EYS: variants seen among roughly 807,000 people sequenced by gnomAD.
EYS encodes the protein protein eyes shut homolog.
A neutral mutation model predicts 282.1 loss-of-function variants in EYS; 250 were observed. The observed-to-expected ratio is 0.89, with a 90% CI of 0.80 to 0.98. EYS has a LOEUF of 0.98. EYS is among the 50% of genes least tolerant of loss of function. The pLI is 0.00. For missense variants in EYS, 4,016 were observed against 3,709.0 expected (o/e 1.08, Z -2.15); for synonymous variants, 1,355 against 1,282.9 (o/e 1.06, Z -1.20).
chr6:65,374,114 C>T (rs1221354746), intron 8 of EYS, among the ~76,000 whole-genome samples: 1 of 152,150 alleles, frequency 6.6e-6, no homozygotes, highest in Non-Finnish European at 1.5e-5. Flanking sequence ...GGAACAGCTC[C>T]ACTCTGCAGC....
intron 31 of EYS, among the ~76,000 whole-genome samples, chr6:64,114,987 T>C (rs1239219587): frequency 6.6e-6 from 1 of 152,118 alleles, no homozygotes; most frequent in Admixed American, 6.5e-5. Flanking sequence ...TGTGCCTTGA[T>C]CATTGGAGCC....
intron 2 of EYS, among the ~76,000 whole-genome samples, chr6:65,632,400 T>C (rs1441889193): frequency 1.3e-5 from 2 of 152,184 alleles, no homozygotes; most frequent in Non-Finnish European, 2.9e-5. Flanking sequence ...GAGCCTGGAC[T>C]CCACCACTAG....
At chr6:64,019,546 G>C (rs1769074684) in intron 33 of EYS, among the ~76,000 whole-genome samples, 1 of 151,810 alleles carries the variant, frequency 6.6e-6, no homozygotes, top group Admixed American at 6.6e-5. Context: ...GAGTAGCTGG[G>C]ACTACAGGCA....
intron 12 of EYS, among the ~76,000 whole-genome samples, chr6:65,115,948 C>T (rs1429518461): frequency 1.5e-5 from 2 of 132,332 alleles, no homozygotes; most frequent in East Asian, 4.1e-4. Context: ...CTATGTCTGT[C>T]TGTCTGTCTG....
chr6:64,098,047 A>C (rs141190580), intron 31 of EYS, among the ~76,000 whole-genome samples: 8 of 152,330 alleles, frequency 5.3e-5, no homozygotes, highest in African/African-American at 1.9e-4. Flanking sequence ...GATGTGGATT[A>C]GATGAAACTG....
At chr6:64,525,144 C>G (rs1001922388) in intron 26 of EYS, among the ~76,000 whole-genome samples, 6 of 151,646 alleles carry the variant, frequency 4.0e-5, no homozygotes, top group Non-Finnish European at 8.9e-5. Context: ...AAAGCAGAAC[C>G]ACTATTGGAT....
chr6:65,428,813 A>G (rs1170672886), intron 5 of EYS, among the ~76,000 whole-genome samples: 1 of 152,156 alleles, frequency 6.6e-6, no homozygotes, highest in Non-Finnish European at 1.5e-5. Context: ...TGTCAAATGC[A>G]TCAAAGAAAC....
intron 2 of EYS, among the ~76,000 whole-genome samples, chr6:65,628,940 G>C (rs1473113550): frequency 6.6e-6 from 1 of 152,212 alleles, no homozygotes; most frequent in Non-Finnish European, 1.5e-5. Context: ...GCATTGTTTA[G>C]AATTTTAGGG....
At chr6:64,322,507 G>A (rs1303266790) in intron 29 of EYS, among the ~76,000 whole-genome samples, 2 of 151,962 alleles carry the variant, frequency 1.3e-5, no homozygotes, top group Admixed American at 1.3e-4. Context: ...AAGGACTTGA[G>A]GGGCCAATAT....
intron 26 of EYS, among the ~76,000 whole-genome samples, chr6:64,575,663 T>C (rs1765858559): frequency 6.6e-6 from 1 of 152,066 alleles, no homozygotes; most frequent in Non-Finnish European, 1.5e-5. Flanking sequence ...AAATCAAATG[T>C]CAGAATATGG....
chr6:64,966,948 A>G (rs1298788475), intron 14 of EYS, among the ~76,000 whole-genome samples: 1 of 152,166 alleles, frequency 6.6e-6, no homozygotes, highest in Non-Finnish European at 1.5e-5. Context: ...CTGGCATTCT[A>G]TATACAAAGG....
At chr6:64,754,910 C>T (rs1313279571) in intron 22 of EYS, among the ~76,000 whole-genome samples, 1 of 152,092 alleles carries the variant, frequency 6.6e-6, no homozygotes, top group Admixed American at 6.6e-5. Context: ...TTCATCAGTA[C>T]TATTCAACAC....
At position 63,762,691 on chromosome 6, in the gene EYS, T is replaced by C. The variant is rs535579850; in HGVS notation, c.7899-58A>G. 26 of 1,463,990 alleles carry C rather than the reference T, an allele frequency of 1.8e-5. No homozygotes were observed. In the Middle Eastern group the frequency reaches 8.7e-4, roughly 49 times the overall value. The allele number at this position is 1,463,990 out of a possible 1,614,324, so 90.7% of individuals were successfully genotyped here. On this transcript the variant is annotated intron_variant, in intron 40 of 42. Coordinates refer to ENST00000503581, the MANE Select transcript of EYS (RefSeq NM_001142800.2). ...CACTTGTTTAGAGATGGATACATAC[T>C]ATGTATTGCCCTGATGCTAACTTGT...
chr6:64,386,091 C>T (rs1772899902), intron 29 of EYS, among the ~76,000 whole-genome samples: 1 of 152,138 alleles, frequency 6.6e-6, no homozygotes, highest in Non-Finnish European at 1.5e-5. Context: ...CTTTTGTGAA[C>T]CGAAGGCCCG....
chr6:64,129,039 TA>T (rs142092732), intron 31 of EYS, among the ~76,000 whole-genome samples: 2,097 of 152,310 alleles, frequency 0.014, 42 homozygotes, highest in African/African-American at 0.048. Flanking sequence ...CCTGTTTTTC[TA>T]AATAAAGTTT....
chr6:65,601,166 A>G (rs1562281231), intron 2 of EYS, among the ~76,000 whole-genome samples: 1 of 151,956 alleles, frequency 6.6e-6, no homozygotes, highest in Non-Finnish European at 1.5e-5. Context: ...AAGCAAGTTT[A>G]TTAGTGCTTT....
At chr6:63,973,938 A>G (rs1469306972) in intron 35 of EYS, among the ~76,000 whole-genome samples, 3 of 148,586 alleles carry the variant, frequency 2.0e-5, no homozygotes, top group Non-Finnish European at 4.5e-5. Context: ...CTTAAGGTAC[A>G]ATATCTACCA....
chr6:64,115,817 C>A (rs74454186), intron 31 of EYS, among the ~76,000 whole-genome samples: 7,486 of 152,088 alleles, frequency 0.049, 561 homozygotes, highest in African/African-American at 0.16. Context: ...ACACACACAC[C>A]GTAATATTCT....
chr6:65,394,324 T>C (rs1766180598), intron 7 of EYS, among the ~76,000 whole-genome samples: 1 of 151,994 alleles, frequency 6.6e-6, no homozygotes, highest in Admixed American at 6.6e-5. Flanking sequence ...AATAAACACT[T>C]TCTACTCTAC....
Sources: allele counts gnomAD v4.1 joint callset (sites outside exome capture counted in the v4.1 genomes callset), GRCh38; gene constraint gnomAD v4.1.1; transcripts MANE v1.5; gene names NCBI Gene and HGNC (gene_info 2026-07-23, HGNC 2026-07-21).